The following SYT14 variants were observed in gnomAD, a reference collection of about 807,000 sequenced individuals.
The protein encoded by SYT14 is synaptotagmin 14, also known as synaptotagmin-14.
SYT14 carries 32 observed loss-of-function variants against 74.2 expected under a neutral mutation model. The ratio of observed to expected loss-of-function variants is 0.43; its 90% CI spans 0.33 to 0.58. The LOEUF (loss-of-function observed/expected upper bound fraction) is 0.58, where lower values mean the gene tolerates loss of function less well. Ranked by LOEUF, SYT14 falls within the 20% of genes least tolerant of loss-of-function variation. The probability of loss-of-function intolerance (pLI) is 0.05; values close to 1 mark genes in which losing one functional copy is unlikely to be tolerated. For synonymous variants in SYT14, 298 were observed against 337.7 expected, an observed-to-expected ratio of 0.88 and a Z score of 1.29; for missense variants, 791 against 981.8, an observed-to-expected ratio of 0.81 and a Z score of 2.60.
At chr1:209,973,276 A>G (rs1205577790) in intron 2 of SYT14, among the ~76,000 whole-genome samples, 1 of 151,998 alleles carries the variant, frequency 6.6e-6, no homozygotes, top group African/African-American at 2.4e-5. Flanking sequence ...TTAGTTACAC[A>G]TGTATACATG....
intron 5 of SYT14, among the ~76,000 whole-genome samples, chr1:210,079,253 G>T (rs547867778): frequency 3.3e-5 from 5 of 151,198 alleles, no homozygotes; most frequent in African/African-American, 4.9e-5. Context: ...TATATAATAG[G>T]GTACTATGTT....
In SYT14 at chr1:209,956,914, T is replaced by C. The variant is rs12726100; in HGVS notation, c.-486+4158T>C. On this transcript the variant is annotated intron_variant, in intron 2 of 9. Coordinates refer to ENST00000637265, the Ensembl canonical transcript of SYT14. ...TGTGAATCCTCTGATTTTGTGATTGTCTTTTTTGTCTCTTAGGACCCTACA... is the reference window on the plus strand; with the variant it reads ...TGTGAATCCTCTGATTTTGTGATTGCCTTTTTTGTCTCTTAGGACCCTACA... 2.6e-5 allele frequency among the ~76,000 whole-genome samples: 4 copies of C among 152,094 alleles called. 1 individual carries two copies. Among genetic ancestry groups the C allele is most frequent in the Admixed American group, 1.3e-4 (2 of 15,278 alleles).
intron 9 of SYT14, 80 bp from the exon 9 acceptor site, chr1:210,160,649 T>C (rs2083354443): frequency 8.2e-7 from 1 of 1,225,286 alleles, no homozygotes; most frequent in Non-Finnish European, 1.2e-6. Flanking sequence ...GTATAAATAC[T>C]TAATTTTCTT....
chr1:210,122,892 A>G (rs1470603552), intron 7 of SYT14, among the ~76,000 whole-genome samples: 1 of 152,198 alleles, frequency 6.6e-6, no homozygotes, highest in Admixed American at 6.5e-5. Flanking sequence ...TTTATAGTAC[A>G]TGAATTTGCT....
Position 209,968,471 on chromosome 1 carries a change from T to TTCATATGGAGTAGTTTCA in SYT14, c.-486+15740_-486+15757dup, listed in dbSNP as rs145011931. Among the ~76,000 whole-genome samples the TTCATATGGAGTAGTTTCA allele has an allele frequency of 3.3e-5, 5 of 152,004 alleles. No individual in the cohort carries two copies. In the East Asian group the frequency reaches 5.8e-4, roughly 18 times the overall value. Reference sequence around the variant, plus strand: ...ATATTATAGTATCATATGGAGTAGTTTCATATGGAGTAGTTTCATCATATG... The same window carrying TTCATATGGAGTAGTTTCA: ...ATATTATAGTATCATATGGAGTAGTTTCATATGGAGTAGTTTCATCATATGGAGTAGTTTCATCATATG... On this transcript the variant is annotated intron_variant, in intron 2 of 9. Transcript: ENST00000637265.
rs769992786 is a variant in SYT14 at position 209,952,703 on chromosome 1, T to A, written c.-533-6T>A. 15 of 1,609,286 alleles carry A rather than the reference T, an allele frequency of 9.3e-6. No individual in the cohort carries two copies. Among genetic ancestry groups the A allele is most frequent in the Non-Finnish European group, 1.3e-5 (15 of 1,177,606 alleles). On this transcript the variant is annotated splice_polypyrimidine_tract_variant and splice_region_variant and intron_variant, in intron 1 of 9. Coordinates refer to ENST00000637265, the Ensembl canonical transcript of SYT14. Reference sequence around the variant, plus strand: ...TTTTTAACTTCCCATAAACTTTTTTTAATAGGTGGAGAGAGAACCTGTGGA... The same window carrying A: ...TTTTTAACTTCCCATAAACTTTTTTAAATAGGTGGAGAGAGAACCTGTGGA...
rs182124063 is a variant in SYT14, at chr1:209,954,467, G to A, written c.-486+1711G>A. The stretch of plus-strand genomic sequence containing the variant: ...CATTTAAAAATTTATTCACACCATA[G>A]GCATGAAGTGGAAAAGTATCTGAAT... On this transcript the variant is annotated intron_variant, in intron 2 of 9. Coordinates refer to ENST00000637265, the Ensembl canonical transcript of SYT14. Among the ~76,000 whole-genome samples the A allele has an allele frequency of 4.6e-4, 70 of 152,196 alleles. 1 individual carries two copies. The highest frequency in any genetic ancestry group is 1.6e-3 in the African/African-American group (68 of 41,534).
At chr1:210,040,559 GTTTATACATTGTTCA>G (rs899459342) in intron 5 of SYT14, among the ~76,000 whole-genome samples, 9 of 151,726 alleles carry the variant, frequency 5.9e-5, no homozygotes, top group Non-Finnish European at 1.2e-4. Context: ...CTACATAGAT[GTTTATACATTGTTCA>G]TTTATACATG....
intron 2 of SYT14, among the ~76,000 whole-genome samples, chr1:210,007,637 A>G (rs1331767537): frequency 6.6e-6 from 1 of 152,112 alleles, no homozygotes; most frequent in Non-Finnish European, 1.5e-5. Context: ...AGCTATAAAT[A>G]AAATATTTGC....
intron 5 of SYT14, among the ~76,000 whole-genome samples, chr1:210,049,765 G>T (rs1572213800): frequency 1.3e-5 from 2 of 152,166 alleles, no homozygotes; most frequent in East Asian, 1.9e-4. Context: ...AGCTGCCAGG[G>T]GTTGTGGCTT....
At chr1:209,998,227 A>G (rs889651663) in intron 2 of SYT14, among the ~76,000 whole-genome samples, 6 of 152,148 alleles carry the variant, frequency 3.9e-5, no homozygotes, top group Non-Finnish European at 5.9e-5. Context: ...ACAAAATAAA[A>G]TAATAAAGTT....
At chr1:209,959,951 TAGTG>T (rs200104949) in intron 2 of SYT14, among the ~76,000 whole-genome samples, 2,189 of 152,314 alleles carry the variant, frequency 0.014, 26 homozygotes, top group Non-Finnish European at 0.022. Context: ...TCTGCTTACA[TAGTG>T]AGTTTTATTC....
In SYT14 at chr1:210,073,788, A is replaced by G. The variant is rs147113271; in HGVS notation, c.1313-20534A>G. ...ATCACCAATTTATACACAACAAAAA[A>G]TGTATTCTGTCTCTATGTATATACA... is the stretch of plus-strand genomic sequence containing the variant. On this transcript the variant is annotated intron_variant, in intron 5 of 9. Transcript: ENST00000637265. Among the ~76,000 whole-genome samples the G allele has an allele frequency of 3.7e-3, 558 of 152,242 alleles. 2 individuals are homozygous for G. The highest frequency in any genetic ancestry group is 5.9e-3 in the Non-Finnish European group (403 of 67,930).
At chr1:210,116,362 T>TAGAG (rs1453576793) in intron 7 of SYT14, among the ~76,000 whole-genome samples, 34 of 152,316 alleles carry the variant, frequency 2.2e-4, no homozygotes, top group African/African-American at 7.9e-4. Flanking sequence ...TGTTTTGAGA[T>TAGAG]AGAGTCTCAC....
intron 5 of SYT14, among the ~76,000 whole-genome samples, chr1:210,041,464 A>C (rs1434672309): frequency 2.0e-5 from 3 of 152,190 alleles, no homozygotes; most frequent in Non-Finnish European, 4.4e-5. Context: ...TATAATTTAC[A>C]AAAAATTTTC....
At chr1:210,104,338 C>T (rs1221677484) in intron 7 of SYT14, among the ~76,000 whole-genome samples, 3 of 152,192 alleles carry the variant, frequency 2.0e-5, no homozygotes, top group African/African-American at 7.2e-5. Context: ...CTTTATTCAT[C>T]CCTAGTCCTT....
chr1:209,995,996 T>C (rs1334821836), intron 2 of SYT14, among the ~76,000 whole-genome samples: 1 of 152,142 alleles, frequency 6.6e-6, no homozygotes, highest in Non-Finnish European at 1.5e-5. Flanking sequence ...GAGAACAGTT[T>C]ATAGCCCTAA....
chr1:210,155,837 C>T, exon 8 of SYT14: 1 of 1,614,058 alleles, frequency 6.2e-7, no homozygotes. Context: ...TTTATAATGC[C>T]ACAACTGGAA....
chr1:209,962,304 CT>C (rs1342038837), intron 2 of SYT14, among the ~76,000 whole-genome samples: 5 of 151,564 alleles, frequency 3.3e-5, no homozygotes, highest in Non-Finnish European at 5.9e-5. Context: ...CTTCTAGACA[CT>C]ACTGTTAAGG....
Sources: allele counts gnomAD v4.1 joint callset (sites outside exome capture counted in the v4.1 genomes callset), GRCh38; gene constraint gnomAD v4.1.1; transcripts MANE v1.5; gene names NCBI Gene and HGNC (gene_info 2026-07-23, HGNC 2026-07-21).